Variants in SSPN observed in about 807,000 individuals in gnomAD.
The protein encoded by SSPN is K-ras oncogene-associated protein.
SSPN carries 15 observed loss-of-function variants against 19.1 expected under a neutral mutation model. The ratio of observed to expected loss-of-function variants is 0.78; its 90% CI spans 0.52 to 1.21. The LOEUF is 1.21. Ranked by LOEUF, SSPN falls within the 50% of genes most tolerant of loss-of-function variation. The pLI is 0.00. For synonymous variants in SSPN, 147 were observed against 140.3 expected, an observed-to-expected ratio of 1.05 and a Z score of -0.34; for missense variants, 291 against 314.0, an observed-to-expected ratio of 0.93 and a Z score of 0.55.
chr12:26,200,960 G>A (rs933293510), intron 1 of SSPN, among the ~76,000 whole-genome samples: 1 of 131,142 alleles, frequency 7.6e-6, no homozygotes, highest in Non-Finnish European at 1.6e-5. Flanking sequence ...CTCATAGTAA[G>A]TATAAAAATG....
intron 1 of SSPN, among the ~76,000 whole-genome samples, chr12:26,152,331 A>T (rs942709698): frequency 6.6e-6 from 1 of 152,220 alleles, no homozygotes; most frequent in African/African-American, 2.4e-5. Flanking sequence ...AATGTAGTAT[A>T]AGTAAAACAA....
chr12:26,215,634 A>G (rs927673140), intron 1 of SSPN, among the ~76,000 whole-genome samples: 11 of 152,196 alleles, frequency 7.2e-5, no homozygotes, highest in Admixed American at 6.5e-4. Context: ...GTTGTTAGAC[A>G]TTTACCATCA....
upstream of SSPN, among the ~76,000 whole-genome samples, chr12:26,192,698 G>A (rs1944796782): frequency 6.6e-6 from 1 of 152,314 alleles, no homozygotes; most frequent in East Asian, 1.9e-4. Flanking sequence ...ACCAAAGGCT[G>A]AAAATTGTAG....
At chr12:26,225,208 A>G (rs1945164870) in intron 2 of SSPN, among the ~76,000 whole-genome samples, 1 of 152,182 alleles carries the variant, frequency 6.6e-6, no homozygotes, top group African/African-American at 2.4e-5. Context: ...ACAATGAGAA[A>G]ACATCAGACA....
chr12:26,231,139 A>C lies in SSPN; in HGVS notation c.*63A>C, dbSNP rs548264165. 113 of 1,460,032 alleles carry C rather than the reference A, an allele frequency of 7.7e-5. No homozygotes were observed. Among genetic ancestry groups the C allele is most frequent in the East Asian group, 5.4e-4 (23 of 42,238 alleles). The allele number at this position is 1,460,032 out of a possible 1,614,324, so 90.4% of individuals were successfully genotyped here. ...GAGTAGCTGAGGTTAAACAAACAAA[A>C]AAAAATTTTAAACAAAGAAAGGAAA... On this transcript the variant is annotated 3_prime_UTR_variant, in exon 3 of 3. Transcript: ENST00000242729.
upstream of SSPN, among the ~76,000 whole-genome samples, chr12:26,190,388 C>T (rs528482849): frequency 1.1e-4 from 16 of 152,336 alleles, 1 homozygote; most frequent in East Asian, 1.9e-4. Flanking sequence ...GGAAACAACA[C>T]GCTTTCAAGA....
chr12:26,210,916 GA>G (rs1250169282), intron 1 of SSPN, among the ~76,000 whole-genome samples: 1 of 152,086 alleles, frequency 6.6e-6, no homozygotes, highest in Non-Finnish European at 1.5e-5. Context: ...CTATAAAATA[GA>G]GTAATATTTT....
At chr12:26,216,534 C>A (rs1215506027) in intron 1 of SSPN, among the ~76,000 whole-genome samples, 1 of 83,392 alleles carries the variant, frequency 1.2e-5, no homozygotes, top group Non-Finnish European at 2.3e-5. Flanking sequence ...TGCCTGTTCA[C>A]TCTGATGGTA....
chr12:26,129,879 A>G (rs1385485541), intron 1 of SSPN, among the ~76,000 whole-genome samples: 1 of 152,228 alleles, frequency 6.6e-6, no homozygotes, highest in East Asian at 1.9e-4. Flanking sequence ...GATCAAAACC[A>G]TTCATGCAGG....
chr12:26,157,715 C>T (rs1944564192), intron 1 of SSPN, among the ~76,000 whole-genome samples: 1 of 152,180 alleles, frequency 6.6e-6, no homozygotes, highest in Non-Finnish European at 1.5e-5. Flanking sequence ...ACCCCTGCTT[C>T]ATTCTGCTCT....
chr12:26,163,224 G>A (rs2137426422), intron 1 of SSPN, among the ~76,000 whole-genome samples: 1 of 152,282 alleles, frequency 6.6e-6, no homozygotes, highest in African/African-American at 2.4e-5. Flanking sequence ...AGAGTTAAAT[G>A]TGGCGTGGGG....
Position 26,230,959 on chromosome 12 carries a change from C to T in SSPN, c.615C>T (p.Cys205=), listed in dbSNP as rs553318744. The change falls in exon 3 of 3, where the codon TGC becomes TGT. Residue 205 remains cysteine (C), a synonymous_variant. Transcript: ENST00000242729. ...LLIQMILNLV[C]GLVCLLACFV... Reference sequence around the variant, plus strand: ...TCCAGATGATTCTTAATTTGGTCTGCGGCCTTGTGTGCTTGTTGGCCTGCT... The same window carrying T: ...TCCAGATGATTCTTAATTTGGTCTGTGGCCTTGTGTGCTTGTTGGCCTGCT... The T allele has an allele frequency of 2.0e-5, 32 of 1,614,132 alleles. No individual in the cohort carries two copies. Among genetic ancestry groups the T allele is most frequent in the East Asian group, 1.8e-4 (8 of 44,872 alleles).
At chr12:26,144,627 T>C (rs1944479218) in intron 1 of SSPN, among the ~76,000 whole-genome samples, 4 of 152,178 alleles carry the variant, frequency 2.6e-5, no homozygotes, top group African/African-American at 9.7e-5. Flanking sequence ...AGGCAATGAA[T>C]AGGATACAAC....
chr12:26,123,861 T>C lies in SSPN; in HGVS notation c.-31+1709T>C. ...CACTTTGAAAGAAGTACTGTTCTTT[T>C]ACTTCTTGAGCTTTCCACAAGACAG... On this transcript the variant is annotated intron_variant, in intron 1 of 2. Transcript: ENST00000538142. The C allele has an allele frequency of 9.8e-6, 8 of 812,244 alleles. 1 individual carries two copies. Among genetic ancestry groups the C allele is most frequent in the South Asian group, 2.7e-5 (2 of 72,878 alleles). The allele number at this position is 812,244 out of a possible 1,614,324, so 50.3% of individuals were successfully genotyped here. A position where few individuals can be genotyped will look rare whatever the true frequency, so the allele number is the denominator to read the frequency against.
At chr12:26,183,920 A>G (rs1944736086) in intron 1 of SSPN, among the ~76,000 whole-genome samples, 1 of 152,234 alleles carries the variant, frequency 6.6e-6, no homozygotes, top group Non-Finnish European at 1.5e-5. Flanking sequence ...GAAACCAGAA[A>G]AAAAGGAAAT....
intron 2 of SSPN, among the ~76,000 whole-genome samples, chr12:26,227,844 C>T (rs1385769283): frequency 6.6e-6 from 1 of 152,188 alleles, no homozygotes; most frequent in African/African-American, 2.4e-5. Context: ...AGGGGAGAAC[C>T]TGACTCCCTG....
At chr12:26,132,091 A>G (rs566194045) in intron 1 of SSPN, among the ~76,000 whole-genome samples, 1 of 152,306 alleles carries the variant, frequency 6.6e-6, no homozygotes, top group African/African-American at 2.4e-5. Context: ...GGAAGATGGT[A>G]GGAGGGGAAA....
intron 1 of SSPN, chr12:26,123,309 A>G: frequency 8.2e-7 from 1 of 1,212,450 alleles, no homozygotes; most frequent in Middle Eastern, 2.7e-4. Flanking sequence ...CAAGTGATAT[A>G]ATCCACCAGT....
At chr12:26,210,219 G>C (rs1202898332) in intron 1 of SSPN, among the ~76,000 whole-genome samples, 2 of 151,754 alleles carry the variant, frequency 1.3e-5, no homozygotes, top group African/African-American at 4.8e-5. Context: ...GGATTATTTT[G>C]CACTAAATCC....
Sources: allele counts gnomAD v4.1 joint callset (sites outside exome capture counted in the v4.1 genomes callset), GRCh38; gene constraint gnomAD v4.1.1; transcripts MANE v1.5; gene names NCBI Gene and HGNC (gene_info 2026-07-23, HGNC 2026-07-21).